The following MYT1L variants were observed in gnomAD, a reference collection of about 807,000 sequenced individuals.
MYT1L encodes myelin transcription factor 1-like protein.
A neutral mutation model predicts 126.7 loss-of-function variants in MYT1L; 12 were observed. That is an observed-to-expected ratio of 0.09 (90% CI 0.06 to 0.15). The LOEUF is 0.15. Ranked by LOEUF, MYT1L falls within the 10% of genes least tolerant of loss-of-function variation. The pLI, the probability that MYT1L is intolerant of heterozygous loss-of-function variation, is 1.00. For missense variants in MYT1L, 979 were observed against 1,585.2 expected, an observed-to-expected ratio of 0.62 and a Z score of 6.49; for synonymous variants, 541 against 604.2, an observed-to-expected ratio of 0.90 and a Z score of 1.53.
intron 2 of MYT1L, among the ~76,000 whole-genome samples, chr2:2,225,885 TC>T (rs1354297489): frequency 6.6e-6 from 1 of 152,206 alleles, no homozygotes; most frequent in Non-Finnish European, 1.5e-5. Context: ...GTAGGAACTT[TC>T]CTAGCTGCAC....
At chr2:2,219,144 G>A (rs965767529) in intron 2 of MYT1L, among the ~76,000 whole-genome samples, 11 of 152,182 alleles carry the variant, frequency 7.2e-5, no homozygotes, top group African/African-American at 2.7e-4. Context: ...TTTGAGGACA[G>A]TGGAAAATGA....
chr2:2,194,720 C>A (rs1348384141), intron 2 of MYT1L, among the ~76,000 whole-genome samples: 1 of 152,140 alleles, frequency 6.6e-6, no homozygotes, highest in African/African-American at 2.4e-5. Flanking sequence ...CTTTCATTAA[C>A]CCTGCACCAA....
At chr2:2,171,770 A>G (rs774397173) in intron 3 of MYT1L, among the ~76,000 whole-genome samples, 3 of 152,188 alleles carry the variant, frequency 2.0e-5, no homozygotes, top group Non-Finnish European at 2.9e-5. Flanking sequence ...ACTGTGACCT[A>G]TTACAGCAGT....
Position 1,897,450 on chromosome 2 carries a change from C to CT in MYT1L, c.2033-5164dup, listed in dbSNP as rs35167347. 3.3e-3 allele frequency among the ~76,000 whole-genome samples: 492 copies of CT among 147,700 alleles called. 4 individuals carry two copies. Among genetic ancestry groups the CT allele is most frequent in the African/African-American group, 7.6e-3 (311 of 40,686 alleles). On this transcript the variant is annotated intron_variant, in intron 14 of 24. Transcript: ENST00000647738. ...TTTCTTTTTCTTTTCGCAAACAAAA[C>CT]TTTTTTTTTTTTTGTTTGTTTGTTT... is the stretch of plus-strand genomic sequence containing the variant.
intron 2 of MYT1L, among the ~76,000 whole-genome samples, chr2:2,263,584 T>C (rs1424299543): frequency 6.6e-6 from 1 of 152,202 alleles, no homozygotes; most frequent in East Asian, 1.9e-4. Flanking sequence ...CCGTTGCTGC[T>C]GCCCTCCTCT....
chr2:2,225,616 C>T (rs2093988289), intron 2 of MYT1L, among the ~76,000 whole-genome samples: 1 of 152,154 alleles, frequency 6.6e-6, no homozygotes, highest in African/African-American at 2.4e-5. Flanking sequence ...CCTGGGCTGT[C>T]CCACACCAGC....
chr2:2,286,838 C>T lies in MYT1L; in HGVS notation c.-520-2335G>A, dbSNP rs116471557. Among the ~76,000 whole-genome samples the T allele has an allele frequency of 3.4e-3, 525 of 152,232 alleles. 4 individuals carry two copies. Among genetic ancestry groups the T allele is most frequent in the African/African-American group, 0.012 (500 of 41,536 alleles). ...CACTTGAAAGGCCACCTGCAGAAGG[C>T]GGGAAGGGTGCGCGAAATCACGAAG... On this transcript the variant is annotated intron_variant, in intron 1 of 24. Coordinates refer to ENST00000647738, the MANE Select transcript of MYT1L (RefSeq NM_001303052.2).
intron 13 of MYT1L, among the ~76,000 whole-genome samples, chr2:1,904,956 G>C (rs1003240870): frequency 6.8e-6 from 1 of 147,968 alleles, no homozygotes; most frequent in African/African-American, 2.5e-5. Flanking sequence ...ACTGTGCCCA[G>C]CTAATTTTTT....
At chr2:2,085,604 AT>A (rs2076276851) in intron 3 of MYT1L, among the ~76,000 whole-genome samples, 1 of 151,956 alleles carries the variant, frequency 6.6e-6, no homozygotes, top group Non-Finnish European at 1.5e-5. Context: ...AGCCCTATAC[AT>A]TTCTCAAAGT....
intron 8 of MYT1L, among the ~76,000 whole-genome samples, chr2:1,968,060 C>CTGGCAAGGAG (rs1471319928): frequency 2.0e-5 from 3 of 152,290 alleles, no homozygotes; most frequent in African/African-American, 4.8e-5. Flanking sequence ...CTCCACCCAC[C>CTGGCAAGGAG]TGGCAAGGAG....
At chr2:1,919,879 C>T (rs999500585) in intron 10 of MYT1L, among the ~76,000 whole-genome samples, 1 of 152,138 alleles carries the variant, frequency 6.6e-6, no homozygotes, top group Non-Finnish European at 1.5e-5. Context: ...CAGGCGCCCA[C>T]CACCACGCCC....
intron 3 of MYT1L, among the ~76,000 whole-genome samples, chr2:2,093,140 T>C (rs924026995): frequency 6.6e-5 from 10 of 152,194 alleles, no homozygotes; most frequent in African/African-American, 2.4e-4. Flanking sequence ...GCGTTTTCAT[T>C]AGAGTTTGTC....
intron 3 of MYT1L, among the ~76,000 whole-genome samples, chr2:2,079,691 C>T (rs2075611092): frequency 6.6e-6 from 1 of 151,988 alleles, no homozygotes; most frequent in Non-Finnish European, 1.5e-5. Flanking sequence ...CCTGTAGTCC[C>T]AGCTACTCGG....
chr2:2,295,589 C>CAGAG lies in MYT1L; in HGVS notation c.-520-11087_-520-11086insCTCT, dbSNP rs1559583599. Among the ~76,000 whole-genome samples, 112 of 40,344 alleles carry CAGAG rather than the reference C, an allele frequency of 2.8e-3. 4 individuals carry two copies. Among genetic ancestry groups the CAGAG allele is most frequent in the South Asian group, 7.6e-3 (7 of 916 alleles). The allele number at this position is 40,344 out of a possible 152,430, so 26.5% of individuals were successfully genotyped here. On this transcript the variant is annotated intron_variant, in intron 1 of 24. Transcript: ENST00000647738. ...ACAGAGAGAGAGAGAGAGAGACAGA[C>CAGAG]AGACAGAGAGAGAGACAGACAGAGA...
At chr2:2,217,685 C>CAAAAAAAAAAAAAAAAAAAAAAAA (rs1167910803) in intron 2 of MYT1L, among the ~76,000 whole-genome samples, 1 of 79,634 alleles carries the variant, frequency 1.3e-5, no homozygotes. Context: ...ACAACAACAA[C>CAAAAAAAAAAAAAAAAAAAAAAAA]AACAACAACA....
At chr2:1,955,027 C>T (rs897256597) in intron 8 of MYT1L, among the ~76,000 whole-genome samples, 5 of 151,656 alleles carry the variant, frequency 3.3e-5, no homozygotes, top group African/African-American at 4.8e-5. Context: ...TGGCATGCAC[C>T]TGTAATCCCA....
Position 1,887,547 on chromosome 2 carries a change from G to C in MYT1L, c.2583C>G (p.Thr861=), listed in dbSNP as rs201165480. 104 of 1,613,938 alleles carry C rather than the reference G, an allele frequency of 6.4e-5. No homozygotes were observed. In the African/African-American group the frequency reaches 1.1e-3, roughly 17 times the overall value. The change falls in exon 17 of 25, where the codon ACC becomes ACG. Residue 861 remains threonine (T), a synonymous_variant. Transcript: ENST00000647738. This position sits in a 1 kb window ranked among gnomAD's most constrained non-coding sequence, Gnocchi z 4.8. The part of the protein sequence containing the change: ...LEERRYPGEV[T]IPSPKPKYPQ... ...GGTACTTGGGTTTGGGACTTGGGAT[G>C]GTCACCTCCCCGGGATACCGTCTTT... is the stretch of plus-strand genomic sequence containing the variant.
At chr2:2,111,519 G>A (rs1389670106) in intron 3 of MYT1L, among the ~76,000 whole-genome samples, 5 of 152,194 alleles carry the variant, frequency 3.3e-5, no homozygotes, top group Admixed American at 2.0e-4. Flanking sequence ...TACTAATTTT[G>A]AGAATTTAGG....
At chr2:2,149,948 T>C (rs1323380801) in intron 3 of MYT1L, among the ~76,000 whole-genome samples, 1 of 152,212 alleles carries the variant, frequency 6.6e-6, no homozygotes, top group Non-Finnish European at 1.5e-5. Context: ...CCACTCTCCA[T>C]GCCCTGACCC....
Sources: gnomAD v4.1 joint callset for allele counts (sites outside exome capture counted in the v4.1 genomes callset) on GRCh38, gnomAD v4.1.1 for gene constraint, Gnocchi (gnomAD v3.1) non-coding constraint, MANE v1.5 for transcripts, NCBI Gene and HGNC (gene_info 2026-07-23, HGNC 2026-07-21) for gene names.